LRRC49: variants seen among roughly 807,000 people sequenced by gnomAD.
The protein encoded by LRRC49 is leucine rich repeat containing 49, also known as leucine-rich repeat-containing protein 49.
Under a neutral mutation model 83.3 loss-of-function variants are expected in LRRC49, and 50 were observed. That is an observed-to-expected ratio of 0.60 (90% CI 0.48 to 0.76). The LOEUF is 0.76. Among genes scored for constraint, LRRC49 ranks in the 30% least tolerant of loss-of-function variants. LRRC49 has a pLI of 0.00. For synonymous variants in LRRC49, 286 were observed against 283.3 expected (o/e 1.01, Z -0.10); for missense variants, 704 against 809.1 (o/e 0.87, Z 1.58).
intron 2 of LRRC49, among the ~76,000 whole-genome samples, chr15:70,895,184 G>GT (rs1404289664): frequency 2.0e-5 from 3 of 152,072 alleles, no homozygotes; most frequent in Non-Finnish European, 4.4e-5. Flanking sequence ...CATATTTGGG[G>GT]TTTTTTGTGG....
At chr15:71,001,326 G>A (rs1018416899) in intron 11 of LRRC49, among the ~76,000 whole-genome samples, 3 of 152,136 alleles carry the variant, frequency 2.0e-5, no homozygotes, top group Non-Finnish European at 2.9e-5. Context: ...TTGGCAGTGA[G>A]AGAAGTAGGT....
At chr15:71,038,147 ATATAAG>A (rs1324210660) in intron 15 of LRRC49, among the ~76,000 whole-genome samples, 2 of 152,190 alleles carry the variant, frequency 1.3e-5, no homozygotes, top group East Asian at 1.9e-4. Context: ...CTATATCCAG[ATATAAG>A]TATATCTATA....
chr15:70,919,464 C>A (rs2034923645), intron 7 of LRRC49, among the ~76,000 whole-genome samples: 1 of 152,088 alleles, frequency 6.6e-6, no homozygotes, highest in Admixed American at 6.5e-5. Flanking sequence ...GTAGTAAACC[C>A]TCTTCTGTTT....
At chr15:70,991,198 G>A (rs1240390186) in intron 11 of LRRC49, among the ~76,000 whole-genome samples, 1 of 152,048 alleles carries the variant, frequency 6.6e-6, no homozygotes, top group East Asian at 1.9e-4. Flanking sequence ...TATATCCCTA[G>A]GTTTATGAGC....
At chr15:70,890,054 A>G (rs2141091222), upstream of LRRC49, among the ~76,000 whole-genome samples, 1 of 152,344 alleles carries the variant, frequency 6.6e-6, no homozygotes, top group African/African-American at 2.4e-5. Context: ...TATACTTACT[A>G]AATGGAAAAC....
intron 7 of LRRC49, among the ~76,000 whole-genome samples, chr15:70,935,582 A>T (rs2141156251): frequency 6.6e-6 from 1 of 152,338 alleles, no homozygotes; most frequent in African/African-American, 2.4e-5. Flanking sequence ...GGAGGAAGAA[A>T]GACGATGATT....
intron 5 of LRRC49, chr15:70,907,797 T>C (rs1229989963): frequency 8.3e-6 from 3 of 361,902 alleles, no homozygotes; most frequent in African/African-American, 2.1e-5. Flanking sequence ...TTTTCTAGTT[T>C]CAGTTTCTAT....
At chr15:70,894,355 A>G (rs1016747426) in intron 2 of LRRC49, among the ~76,000 whole-genome samples, 3 of 152,166 alleles carry the variant, frequency 2.0e-5, no homozygotes, top group Admixed American at 1.3e-4. Flanking sequence ...GGGCATATCC[A>G]CACATCCCAT....
chr15:70,888,858 C>T (rs2033477732), upstream of LRRC49, among the ~76,000 whole-genome samples: 1 of 152,138 alleles, frequency 6.6e-6, no homozygotes. Flanking sequence ...AAAGGTGTTT[C>T]CTTACTAATT....
intron 1 of LRRC49, chr15:70,859,324 C>A: frequency 1.3e-6 from 1 of 787,788 alleles, no homozygotes; most frequent in African/African-American, 1.7e-5. Context: ...ATGAAGCTTA[C>A]ATGAACAAGA....
chr15:71,007,709 G>GTGTGTATATATATA (rs964626080), intron 11 of LRRC49, among the ~76,000 whole-genome samples: 7 of 137,706 alleles, frequency 5.1e-5, no homozygotes, highest in African/African-American at 1.6e-4. Flanking sequence ...TGAGAAGCAT[G>GTGTGTATATATATA]TATATATATA....
chr15:70,913,990 T>C (rs1376288766), intron 6 of LRRC49, among the ~76,000 whole-genome samples: 1 of 151,898 alleles, frequency 6.6e-6, no homozygotes, highest in South Asian at 2.1e-4. Context: ...TCAGCATATG[T>C]TTGTGATATT....
At chr15:71,047,380 T>G (rs2039883837) in intron 15 of LRRC49, among the ~76,000 whole-genome samples, 2 of 152,236 alleles carry the variant, frequency 1.3e-5, no homozygotes. Context: ...ATTTTGTAGT[T>G]CTCCTTGTAG....
At chr15:71,008,293 T>C in intron 11 of LRRC49, 86 bp from the exon 12 acceptor site, 1 of 729,056 alleles carries the variant, frequency 1.4e-6, no homozygotes, top group Non-Finnish European at 2.3e-6. Context: ...AATATAAAAT[T>C]GTGAAGAGCT....
chr15:70,911,818 A>T (rs1596010491), intron 6 of LRRC49, among the ~76,000 whole-genome samples: 2 of 152,156 alleles, frequency 1.3e-5, no homozygotes, highest in East Asian at 3.8e-4. Flanking sequence ...TATAGTTATG[A>T]CAATTTTGTT....
rs571670837 is a variant in LRRC49 at position 70,997,942 on chromosome 15, G to A, written c.1170-10437G>A. Among the ~76,000 whole-genome samples the A allele has an allele frequency of 5.3e-4, 81 of 152,116 alleles. No individual in the cohort carries two copies. In the South Asian group the frequency reaches 7.3e-3, roughly 14 times the overall value. On this transcript the variant is annotated intron_variant, in intron 11 of 15. Transcript: ENST00000260382. ...ATTTAACTGATTTTCTTAGTGTACCGTTTTTGATCCCTTTCTTGTTCCTTT... is the reference window on the plus strand; with the variant it reads ...ATTTAACTGATTTTCTTAGTGTACCATTTTTGATCCCTTTCTTGTTCCTTT...
chr15:70,854,064 G>A lies in LRRC49; in HGVS notation c.-299+595G>A, dbSNP rs1173032281. On this transcript the variant is annotated intron_variant, in intron 1 of 16. Coordinates refer to the LRRC49 transcript ENST00000544974. ...TGCACCGCCGTCTTGGGCCCGGGCC[G>A]AGCCTCCCCGCCGGACTGGGCCATG... 7.2e-7 allele frequency: 1 copy of A among 1,382,418 alleles called. No individual in the cohort carries two copies. The highest frequency in any genetic ancestry group is 2.7e-5 in the Admixed American group (1 of 36,624). 85.6% of individuals were successfully genotyped at this position (1,382,418 alleles called of 1,614,324 possible).
At position 70,885,164 on chromosome 15, in the gene LRRC49, G is replaced by A. The variant is rs139668009; in HGVS notation, c.19-8420G>A. ...GCTTAGAGGCAGAATTTCCAGGCAC[G>A]TATTAATCCACTAGAACATGAGTCA... On this transcript the variant is annotated intron_variant, in intron 2 of 16. Coordinates refer to the LRRC49 transcript ENST00000544974. Among the ~76,000 whole-genome samples the A allele has an allele frequency of 2.4e-4, 36 of 152,218 alleles. 1 individual carries two copies. The East Asian group carries it at 6.6e-3, about 28-fold the overall frequency.
chr15:71,012,268 G>A lies in LRRC49; in HGVS notation c.1594-536G>A, dbSNP rs2038678927. On this transcript the variant is annotated intron_variant, in intron 13 of 15. Coordinates refer to ENST00000260382, the MANE Select transcript of LRRC49 (RefSeq NM_017691.5). ...GAATGGGTCCTCATAGGGTATACTT[G>A]TGACAAGTTATTCTTTTTGGGGAGA... Among the ~76,000 whole-genome samples the A allele has an allele frequency of 2.0e-5, 3 of 152,084 alleles. No homozygotes were observed. The South Asian group carries it at 6.2e-4, about 32-fold the overall frequency.
Sources: gnomAD v4.1 joint callset for allele counts (sites outside exome capture counted in the v4.1 genomes callset) on GRCh38, gnomAD v4.1.1 for gene constraint, MANE v1.5 for transcripts, NCBI Gene and HGNC (gene_info 2026-07-23, HGNC 2026-07-21) for gene names.